METTL24: variants seen among roughly 807,000 people sequenced by gnomAD.
METTL24 encodes methyltransferase like 24.
METTL24 carries 29 observed loss-of-function variants against 32.7 expected under a neutral mutation model. That is an observed-to-expected ratio of 0.89 (90% CI 0.66 to 1.21). The LOEUF (loss-of-function observed/expected upper bound fraction) is 1.21, where lower values mean the gene tolerates loss of function less well. Ranked by LOEUF, METTL24 falls within the 50% of genes most tolerant of loss-of-function variation. METTL24 has a pLI of 0.00. For synonymous variants in METTL24, 163 were observed against 179.5 expected (o/e 0.91, Z 0.73); for missense variants, 439 against 468.1 (o/e 0.94, Z 0.57).
At chr6:110,325,225 G>A (rs2114756750) in intron 1 of METTL24, among the ~76,000 whole-genome samples, 1 of 152,316 alleles carries the variant, frequency 6.6e-6, no homozygotes, top group East Asian at 1.9e-4. Context: ...GGATGAAAAT[G>A]ATGAAGTTCA....
intron 1 of METTL24, among the ~76,000 whole-genome samples, chr6:110,350,201 C>A (rs1420432892): frequency 6.6e-6 from 1 of 152,120 alleles, no homozygotes; most frequent in Non-Finnish European, 1.5e-5. Flanking sequence ...AAGGTGTGAC[C>A]AAAAAGAATA....
chr6:110,305,921 C>T (rs1771619207), intron 3 of METTL24, among the ~76,000 whole-genome samples: 1 of 152,284 alleles, frequency 6.6e-6, no homozygotes, highest in East Asian at 1.9e-4. Context: ...GACTTGGAAC[C>T]AACCCAAATG....
At chr6:110,316,452 A>G (rs1402750285) in intron 2 of METTL24, among the ~76,000 whole-genome samples, 4 of 152,236 alleles carry the variant, frequency 2.6e-5, no homozygotes, top group African/African-American at 4.8e-5. Flanking sequence ...AATCCCTTAG[A>G]ACTCTCATAG....
At chr6:110,350,299 C>T (rs1003822731) in intron 1 of METTL24, among the ~76,000 whole-genome samples, 5 of 152,136 alleles carry the variant, frequency 3.3e-5, no homozygotes, top group Non-Finnish European at 5.9e-5. Context: ...CTTCCAGAGC[C>T]TTCCTGGTCC....
chr6:110,282,091 C>T (rs1356761265), intron 4 of METTL24, among the ~76,000 whole-genome samples: 1 of 152,134 alleles, frequency 6.6e-6, no homozygotes, highest in Non-Finnish European at 1.5e-5. Context: ...ACACCAGTTA[C>T]ATCCATGGCT....
chr6:110,316,132 A>G (rs1159108926), intron 2 of METTL24, among the ~76,000 whole-genome samples: 1 of 152,196 alleles, frequency 6.6e-6, no homozygotes, highest in African/African-American at 2.4e-5. Flanking sequence ...ACACTGCTCT[A>G]ATGCGCTTCC....
At chr6:110,301,308 G>T (rs1441366565) in intron 3 of METTL24, among the ~76,000 whole-genome samples, 1 of 152,086 alleles carries the variant, frequency 6.6e-6, no homozygotes, top group African/African-American at 2.4e-5. Flanking sequence ...AGTTTTCCAT[G>T]ATCTAATCTG....
intron 3 of METTL24, among the ~76,000 whole-genome samples, chr6:110,313,252 C>G (rs1771757608): frequency 1.3e-5 from 2 of 152,134 alleles, no homozygotes; most frequent in African/African-American, 4.8e-5. Flanking sequence ...AACACATAGA[C>G]ATGATCAATG....
chr6:110,263,799 C>G (rs1770800998), intron 4 of METTL24, among the ~76,000 whole-genome samples: 2 of 152,034 alleles, frequency 1.3e-5, no homozygotes. Context: ...CAGAACAGAG[C>G]CCTCAGAAAT....
chr6:110,277,644 T>C (rs1426167051), intron 4 of METTL24, among the ~76,000 whole-genome samples: 2 of 152,316 alleles, frequency 1.3e-5, no homozygotes, highest in African/African-American at 4.8e-5. Flanking sequence ...GAAAACGTTA[T>C]AGAAATCTAA....
chr6:110,266,870 A>G (rs1187551748), intron 4 of METTL24, among the ~76,000 whole-genome samples: 1 of 152,206 alleles, frequency 6.6e-6, no homozygotes, highest in Admixed American at 6.5e-5. Context: ...CTCAAGTAGA[A>G]CAAGAAAACA....
intron 4 of METTL24, among the ~76,000 whole-genome samples, chr6:110,296,938 A>C (rs937633857): frequency 6.6e-6 from 1 of 152,218 alleles, no homozygotes; most frequent in Non-Finnish European, 1.5e-5. Context: ...AGCTCCTAGA[A>C]GCATTTTCCT....
intron 4 of METTL24, among the ~76,000 whole-genome samples, chr6:110,246,734 A>G (rs1332785311): frequency 6.6e-6 from 1 of 152,076 alleles, no homozygotes; most frequent in Non-Finnish European, 1.5e-5. Context: ...ACCCCAGGAA[A>G]CTCTGCCAAG....
At position 110,346,785 on chromosome 6, in the gene METTL24, G is replaced by A. The variant is rs77936460; in HGVS notation, c.318+11170C>T. ...CTCCCAAAGTGCTGGGATTACAGGC[G>A]TGAGTCAGCACACATGGCCATCAAT... On this transcript the variant is annotated intron_variant, in intron 1 of 4. Transcript: ENST00000338882. Among the ~76,000 whole-genome samples the A allele has an allele frequency of 4.6e-3, 696 of 152,222 alleles. 8 individuals are homozygous for A. Among genetic ancestry groups the A allele is most frequent in the East Asian group, 0.045 (231 of 5,190 alleles).
chr6:110,343,782 T>C (rs1221287276), intron 1 of METTL24, among the ~76,000 whole-genome samples: 1 of 152,186 alleles, frequency 6.6e-6, no homozygotes, highest in African/African-American at 2.4e-5. Flanking sequence ...TGAACCATGT[T>C]GATATTTTCC....
At chr6:110,303,062 C>T (rs985657087) in intron 3 of METTL24, among the ~76,000 whole-genome samples, 22 of 152,084 alleles carry the variant, frequency 1.4e-4, no homozygotes, top group African/African-American at 3.1e-4. Flanking sequence ...CACAGGGGGT[C>T]GGGAAATCCC....
chr6:110,325,611 G>T (rs1345330226), intron 1 of METTL24, among the ~76,000 whole-genome samples: 2 of 152,204 alleles, frequency 1.3e-5, no homozygotes, highest in Non-Finnish European at 2.9e-5. Flanking sequence ...CTTTGGCATG[G>T]TATGAACTTT....
At chr6:110,276,030 T>C (rs887891372) in intron 4 of METTL24, among the ~76,000 whole-genome samples, 10 of 152,190 alleles carry the variant, frequency 6.6e-5, no homozygotes, top group Non-Finnish European at 1.3e-4. Context: ...ACAGCTGTTA[T>C]TGTAGAATGC....
At chr6:110,305,581 A>T (rs1334546614) in intron 3 of METTL24, among the ~76,000 whole-genome samples, 1 of 140,338 alleles carries the variant, frequency 7.1e-6, no homozygotes, top group African/African-American at 2.8e-5. Context: ...AAAAAATCTC[A>T]TCATCACTGG....
Sources: gnomAD v4.1 joint callset for allele counts (sites outside exome capture counted in the v4.1 genomes callset) on GRCh38, gnomAD v4.1.1 for gene constraint, MANE v1.5 for transcripts, NCBI Gene and HGNC (gene_info 2026-07-23, HGNC 2026-07-21) for gene names.